The following ADGRA3 variants were observed in gnomAD, a reference collection of about 807,000 sequenced individuals.
ADGRA3 encodes the protein adhesion G protein-coupled receptor A3.
Under a neutral mutation model 119.8 loss-of-function variants are expected in ADGRA3, and 56 were observed. The ratio of observed to expected loss-of-function variants is 0.47; its 90% CI spans 0.38 to 0.58. ADGRA3 has a LOEUF of 0.58. Ranked by LOEUF, ADGRA3 falls within the 20% of genes least tolerant of loss-of-function variation. ADGRA3 has a pLI of 0.00. For synonymous variants in ADGRA3, 607 were observed against 623.8 expected (o/e 0.97, Z 0.40); for missense variants, 1,516 against 1,649.0 (o/e 0.92, Z 1.40).
rs759273052 is a variant in ADGRA3 at position 22,421,074 on chromosome 4, C to A, written c.1621G>T (p.Ala541Ser). The A allele has an allele frequency of 1.7e-5, 28 of 1,613,470 alleles. No homozygotes were observed. The highest frequency in any genetic ancestry group is 2.3e-5 in the Non-Finnish European group (27 of 1,179,712). The change falls in exon 12 of 19, where the codon GCT becomes TCT. Residue 541 changes from alanine to serine, a missense_variant. Physicochemically the swap from Ala to Ser is moderately conservative, Grantham distance 99 (BLOSUM62 1). This residue lies in a region of ADGRA3 where 1,088 missense variants were observed against 1,107.1 expected (regional missense o/e 0.98). Coordinates refer to ENST00000334304, the MANE Select transcript of ADGRA3 (RefSeq NM_145290.4). ...GACTTGATGACATAAGCTTCCAGAG[C>A]AATATTGGGTGAATACTTGAAAAGT... The part of the protein sequence containing the change: ...HVYSTYSPNI[A>S]LEAYVIKSTG...
rs371487722 is a variant in ADGRA3 at position 22,515,481 on chromosome 4, A to G, written c.257+47T>C. 2.7e-5 allele frequency: 43 copies of G among 1,578,170 alleles called. No homozygotes were observed. In the African/African-American group the frequency reaches 4.7e-4, roughly 17 times the overall value. ...TGCTCCAAAGTTGAGCGGAGAGATA[A>G]GAAAGAGCCGAGCGGGAGAGGACCC... On this transcript the variant is annotated intron_variant, in intron 1 of 18. Coordinates refer to ENST00000334304, the MANE Select transcript of ADGRA3 (RefSeq NM_145290.4).
intron 10 of ADGRA3, among the ~76,000 whole-genome samples, chr4:22,433,292 T>C (rs1716259742): frequency 6.6e-6 from 1 of 152,188 alleles, no homozygotes; most frequent in Admixed American, 6.5e-5. Context: ...GATGCACTCA[T>C]GATTATTTAA....
chr4:22,452,563 A>C (rs772019275), intron 4 of ADGRA3, among the ~76,000 whole-genome samples: 2 of 152,194 alleles, frequency 1.3e-5, no homozygotes, highest in South Asian at 2.1e-4. Flanking sequence ...ATACATTCTC[A>C]TAACAGGTAT....
intron 14 of ADGRA3, among the ~76,000 whole-genome samples, chr4:22,412,380 A>T (rs920986164): frequency 6.6e-6 from 1 of 152,194 alleles, no homozygotes; most frequent in East Asian, 1.9e-4. Flanking sequence ...CTGTACATTA[A>T]TAACTGTTAT....
In ADGRA3 at chr4:22,397,967, G is replaced by A. The variant is rs140257762; in HGVS notation, c.2481+3464C>T. On this transcript the variant is annotated intron_variant, in intron 16 of 18. Transcript: ENST00000334304. ...TGGGGGATACAGGAACAGAATCTCC[G>A]AAACAGTAACAATAAAGTGAGACCT... is the stretch of plus-strand genomic sequence containing the variant. 2.4e-4 allele frequency: 125 copies of A among 522,774 alleles called. 1 individual carries two copies. The highest frequency in any genetic ancestry group is 1.9e-3 in the African/African-American group (94 of 48,470). The allele number at this position is 522,774 out of a possible 1,614,324, so 32.4% of individuals were successfully genotyped here.
At chr4:22,447,571 T>G (rs1302932233) in intron 4 of ADGRA3, 60 bp from the exon 5 acceptor site, 5 of 1,036,366 alleles carry the variant, frequency 4.8e-6, no homozygotes, top group Admixed American at 4.6e-5. Context: ...TTTATCCTAT[T>G]TCATATTTTC....
Position 22,515,769 on chromosome 4 carries a change from G to A in ADGRA3, c.16C>T (p.Arg6Cys), listed in dbSNP as rs1719644124. Residue 6 changes from arginine to cysteine, a missense_variant, in exon 1 of 19, where the codon CGC (arginine) becomes TGC (cysteine). By Grantham distance (180) the Arg-to-Cys change is radical. Transcript: ENST00000334304. ...GGCGGCTGCGCGCGGCCCCGCCGGC[G>A]TCCGGGTGGCTCCATGCTGCGGGCC... MEPPG[R>C]RRGRAQPPLL... 2 of 1,018,778 alleles carry A rather than the reference G, an allele frequency of 2.0e-6. No homozygotes were observed. Among genetic ancestry groups the A allele is most frequent in the Non-Finnish European group, 2.3e-6 (2 of 856,290 alleles). The allele number at this position is 1,018,778 out of a possible 1,614,324, so 63.1% of individuals were successfully genotyped here.
chr4:22,399,470 A>T (rs1006030798), intron 16 of ADGRA3, among the ~76,000 whole-genome samples: 3 of 151,582 alleles, frequency 2.0e-5, no homozygotes, highest in African/African-American at 7.3e-5. Flanking sequence ...TTGGATATGT[A>T]AGTCTTTAAA....
At chr4:22,443,277 C>T (rs1452312342) in intron 6 of ADGRA3, 1 of 479,682 alleles carries the variant, frequency 2.1e-6, no homozygotes, top group Admixed American at 3.9e-5. Context: ...AATGCATGTT[C>T]ACTCCAGAAA....
chr4:22,403,753 A>G (rs1714771723), intron 14 of ADGRA3, among the ~76,000 whole-genome samples: 1 of 152,132 alleles, frequency 6.6e-6, no homozygotes, highest in Non-Finnish European at 1.5e-5. Context: ...AAAGAAAAAT[A>G]ATTTAAAAAA....
At chr4:22,479,410 C>A (rs1304413182) in intron 1 of ADGRA3, among the ~76,000 whole-genome samples, 1 of 151,670 alleles carries the variant, frequency 6.6e-6, no homozygotes, top group African/African-American at 2.4e-5. Context: ...TTGCAGTGAG[C>A]CGAGATCACG....
intron 10 of ADGRA3, among the ~76,000 whole-genome samples, chr4:22,434,240 G>A (rs1193377162): frequency 1.3e-5 from 2 of 148,548 alleles, no homozygotes; most frequent in East Asian, 1.9e-4. Context: ...ATAAGTGTGT[G>A]TATATATAAT....
intron 3 of ADGRA3, 51 bp from the exon 4 acceptor site, chr4:22,454,988 A>G (rs768996518): frequency 6.2e-6 from 8 of 1,281,312 alleles, no homozygotes; most frequent in East Asian, 2.3e-5. Flanking sequence ...TGGTTAAAGA[A>G]GGTCTCATGC....
At chr4:22,493,179 T>A (rs1407656400) in intron 1 of ADGRA3, among the ~76,000 whole-genome samples, 3 of 152,200 alleles carry the variant, frequency 2.0e-5, no homozygotes, top group Non-Finnish European at 2.9e-5. Flanking sequence ...TTGCCCAGGC[T>A]GGTCCCAAAC....
chr4:22,397,358 T>C (rs1448152251), intron 16 of ADGRA3, among the ~76,000 whole-genome samples: 1 of 151,882 alleles, frequency 6.6e-6, no homozygotes, highest in African/African-American at 2.4e-5. Context: ...ATTTTTGTAC[T>C]TTTAGCGGAG....
rs1714718725 is a variant in ADGRA3 at position 22,402,727 on chromosome 4, T to G, written c.2305A>C (p.Ile769Leu). The G allele has an allele frequency of 5.0e-6, 8 of 1,613,830 alleles. No individual in the cohort carries two copies. The highest frequency in any genetic ancestry group is 5.9e-6 in the Non-Finnish European group (7 of 1,179,780). ...LHPVVYTTAIILLLCLLAVIV... is the reference protein window; with the variant it reads ...LHPVVYTTAILLLLCLLAVIV... ...ACGGCTAAGAGACATAAGAGGAGAA[T>G]GATAGCGGTAGTATAAACCACAGGA... The change falls in exon 15 of 19, where the codon ATT (isoleucine) becomes CTT (leucine). Residue 769 changes from isoleucine (I) to leucine (L), a missense_variant. Ile to Leu is a conservative substitution (Grantham distance 5). Coordinates refer to ENST00000334304, the MANE Select transcript of ADGRA3 (RefSeq NM_145290.4).
chr4:22,462,067 A>C (rs956184760), intron 2 of ADGRA3, among the ~76,000 whole-genome samples: 2 of 152,170 alleles, frequency 1.3e-5, no homozygotes, highest in African/African-American at 4.8e-5. Context: ...ATGTGACCTA[A>C]TATTATTCAA....
At chr4:22,449,605 G>A (rs35852147) in intron 4 of ADGRA3, among the ~76,000 whole-genome samples, 1 of 152,094 alleles carries the variant, frequency 6.6e-6, no homozygotes, top group East Asian at 1.9e-4. Flanking sequence ...CCAGCACTTT[G>A]GGAGGCCAAG....
chr4:22,467,695 A>G (rs908776271), intron 2 of ADGRA3, among the ~76,000 whole-genome samples: 4 of 152,220 alleles, frequency 2.6e-5, no homozygotes, highest in African/African-American at 9.7e-5. Context: ...AACATTTAAT[A>G]ATAGCCATAT....
Sources: allele counts gnomAD v4.1 joint callset (sites outside exome capture counted in the v4.1 genomes callset), GRCh38; gene constraint gnomAD v4.1.1; regional missense constraint gnomAD v4.1.1; transcripts MANE v1.5; gene names NCBI Gene and HGNC (gene_info 2026-07-23, HGNC 2026-07-21).